Variants in CSMD1 observed in about 807,000 individuals in gnomAD.
CSMD1 encodes the protein CUB and sushi domain-containing protein 1.
In CSMD1, 213 loss-of-function variants were observed where a neutral mutation model predicts 417.5. That is an observed-to-expected ratio of 0.51 (90% CI 0.46 to 0.57). The LOEUF (loss-of-function observed/expected upper bound fraction) is 0.57, where lower values mean the gene tolerates loss of function less well. CSMD1 is among the 20% of genes least tolerant of loss of function. The pLI, the probability that CSMD1 is intolerant of heterozygous loss-of-function variation, is 0.00. For missense variants in CSMD1, 6,923 were observed against 4,529.7 expected (o/e 1.53, Z -15.17); for synonymous variants, 2,862 against 1,736.8 (o/e 1.65, Z -16.11).
At chr8:4,019,801 C>T (rs751654591) in intron 4 of CSMD1, among the ~76,000 whole-genome samples, 23 of 152,186 alleles carry the variant, frequency 1.5e-4, no homozygotes, top group Non-Finnish European at 2.8e-4. Context: ...GACCCACTGC[C>T]ACACAGGCCT....
At position 4,169,198 on chromosome 8, in the gene CSMD1, G is replaced by A. The variant is rs997456349; in HGVS notation, c.416-137099C>T. Reference sequence around the variant, plus strand: ...GTTTCAGAATGTTAACATAGTGTACGTCACCAACACATGTCTGAGCAAAGT... The same window carrying A: ...GTTTCAGAATGTTAACATAGTGTACATCACCAACACATGTCTGAGCAAAGT... On this transcript the variant is annotated intron_variant, in intron 3 of 69. Coordinates refer to ENST00000635120, the MANE Select transcript of CSMD1 (RefSeq NM_033225.6). Among the ~76,000 whole-genome samples the A allele has an allele frequency of 2.7e-4, 41 of 152,048 alleles. 1 individual carries two copies. Among genetic ancestry groups the A allele is most frequent in the Admixed American group, 1.3e-4 (2 of 15,264 alleles).
intron 5 of CSMD1, among the ~76,000 whole-genome samples, chr8:3,945,396 G>A (rs1036237872): frequency 2.0e-5 from 3 of 151,830 alleles, no homozygotes; most frequent in African/African-American, 7.3e-5. Context: ...ATAAATGAAC[G>A]GCTTAACTTT....
chr8:4,371,006 A>C (rs1209919723), intron 3 of CSMD1, among the ~76,000 whole-genome samples: 1 of 152,194 alleles, frequency 6.6e-6, no homozygotes, highest in Non-Finnish European at 1.5e-5. Flanking sequence ...ACTGACCTTT[A>C]GTGTTACTAG....
At chr8:4,463,139 C>A (rs1020838386) in intron 2 of CSMD1, among the ~76,000 whole-genome samples, 1 of 152,094 alleles carries the variant, frequency 6.6e-6, no homozygotes, top group Non-Finnish European at 1.5e-5. Flanking sequence ...ATCGAATAGA[C>A]GCTGCCCCAA....
intron 2 of CSMD1, among the ~76,000 whole-genome samples, chr8:4,423,427 G>C: frequency 6.6e-6 from 1 of 151,984 alleles, no homozygotes; most frequent in East Asian, 1.9e-4. Flanking sequence ...TGAACACGTT[G>C]ACATCAAAAT....
intron 1 of CSMD1, among the ~76,000 whole-genome samples, chr8:4,871,042 G>C (rs1802708725): frequency 6.6e-6 from 1 of 152,136 alleles, no homozygotes; most frequent in African/African-American, 2.4e-5. Context: ...AGCTGGGAGA[G>C]TCAGCAGTGC....
At chr8:3,389,272 C>T (rs1811203550) in intron 17 of CSMD1, among the ~76,000 whole-genome samples, 1 of 152,136 alleles carries the variant, frequency 6.6e-6, no homozygotes, top group African/African-American at 2.4e-5. Flanking sequence ...TCCTGCTACC[C>T]TCAACCCTCT....
At position 3,022,364 on chromosome 8, in the gene CSMD1, A is replaced by G. The variant is rs528975835; in HGVS notation, c.7856-3714T>C. ...CGGAATGCACCCGCAATCCCACAGC[A>G]TCCGGAATGCACCCGCAATCCCACA... On this transcript the variant is annotated intron_variant, in intron 51 of 69. Coordinates refer to ENST00000635120, the MANE Select transcript of CSMD1 (RefSeq NM_033225.6). Among the ~76,000 whole-genome samples the G allele has an allele frequency of 2.0e-4, 30 of 151,852 alleles. No individual in the cohort carries two copies. Among genetic ancestry groups the G allele is most frequent in the Middle Eastern group, 3.4e-3 (1 of 292 alleles).
chr8:4,190,366 C>G (rs1798949470), intron 3 of CSMD1, among the ~76,000 whole-genome samples: 2 of 151,866 alleles, frequency 1.3e-5, no homozygotes. Context: ...CCTCAGTTTC[C>G]TCACCAATGA....
chr8:3,239,226 G>T (rs1245088668), intron 26 of CSMD1, among the ~76,000 whole-genome samples: 1 of 152,066 alleles, frequency 6.6e-6, no homozygotes, highest in Non-Finnish European at 1.5e-5. Flanking sequence ...GGGATATAAA[G>T]GTTTCACTGA....
intron 3 of CSMD1, among the ~76,000 whole-genome samples, chr8:4,244,129 G>A (rs1025329766): frequency 8.5e-5 from 13 of 152,094 alleles, no homozygotes; most frequent in South Asian, 2.1e-4. Flanking sequence ...GATGAGTTTC[G>A]CGCAGCACAA....
intron 1 of CSMD1, among the ~76,000 whole-genome samples, chr8:4,786,040 C>G (rs1489788360): frequency 2.0e-5 from 3 of 152,054 alleles, no homozygotes; most frequent in African/African-American, 7.2e-5. Flanking sequence ...AATAGAATAG[C>G]CAACATTTGT....
At chr8:3,316,551 G>C (rs536203384) in intron 23 of CSMD1, among the ~76,000 whole-genome samples, 2 of 152,136 alleles carry the variant, frequency 1.3e-5, no homozygotes, top group Admixed American at 6.5e-5. Flanking sequence ...GGTTTGAGCA[G>C]GTCTAGGGGC....
At chr8:3,111,650 G>T (rs576244638) in intron 42 of CSMD1, among the ~76,000 whole-genome samples, 17 of 152,174 alleles carry the variant, frequency 1.1e-4, no homozygotes, top group African/African-American at 3.9e-4. Flanking sequence ...TGACCAACAT[G>T]GGGAAACCCT....
At chr8:3,641,208 T>C (rs1337932513) in intron 7 of CSMD1, among the ~76,000 whole-genome samples, 2 of 151,996 alleles carry the variant, frequency 1.3e-5, no homozygotes, top group African/African-American at 4.8e-5. Context: ...CATTGCCTTT[T>C]CCAGACTTTC....
chr8:4,246,371 T>C (rs752455564), intron 3 of CSMD1, among the ~76,000 whole-genome samples: 4 of 152,166 alleles, frequency 2.6e-5, no homozygotes, highest in African/African-American at 4.8e-5. Flanking sequence ...GAAGAGTAGT[T>C]CTTGATAAAA....
chr8:4,459,466 G>T (rs78883780), intron 2 of CSMD1, among the ~76,000 whole-genome samples: 1 of 152,142 alleles, frequency 6.6e-6, no homozygotes, highest in Non-Finnish European at 1.5e-5. Context: ...AGGAGAGATA[G>T]AGGGCAGGAA....
At position 3,499,622 on chromosome 8, in the gene CSMD1, G is replaced by C. The variant is rs531775007; in HGVS notation, c.1345-5896C>G. On this transcript the variant is annotated intron_variant, in intron 10 of 69. Transcript: ENST00000635120. ...TCAAGAATTCAGCTCTCAGGGTCTT[G>C]GGAGCATGCACTTTGGCTCCCCCTG... 6.6e-5 allele frequency among the ~76,000 whole-genome samples: 10 copies of C among 152,090 alleles called. No individual in the cohort carries two copies. In the South Asian group the frequency reaches 1.9e-3, roughly 28 times the overall value.
chr8:4,674,403 G>A (rs1442394569), intron 1 of CSMD1, among the ~76,000 whole-genome samples: 1 of 152,068 alleles, frequency 6.6e-6, no homozygotes, highest in Non-Finnish European at 1.5e-5. Flanking sequence ...AGAAGGTAAA[G>A]GCAAGTGGAA....
Sources: allele counts gnomAD v4.1 joint callset (sites outside exome capture counted in the v4.1 genomes callset), GRCh38; gene constraint gnomAD v4.1.1; transcripts MANE v1.5; gene names NCBI Gene and HGNC (gene_info 2026-07-23, HGNC 2026-07-21).